CRACR2A: variants seen among roughly 807,000 people sequenced by gnomAD.
CRACR2A encodes calcium release activated channel regulator 2A, also known as EF-hand calcium-binding domain-containing protein 4B.
CRACR2A carries 79 observed loss-of-function variants against 90.5 expected under a neutral mutation model. That is an observed-to-expected ratio of 0.87 (90% CI 0.73 to 1.05). CRACR2A has a LOEUF of 1.05. Among genes scored for constraint, CRACR2A ranks in the 50% least tolerant of loss-of-function variants. The pLI, the probability that CRACR2A is intolerant of heterozygous loss-of-function variation, is 0.00. For synonymous variants in CRACR2A, 338 were observed against 356.7 expected, an observed-to-expected ratio of 0.95 and a Z score of 0.59; for missense variants, 823 against 897.2, an observed-to-expected ratio of 0.92 and a Z score of 1.06.
intron 6 of CRACR2A, among the ~76,000 whole-genome samples, chr12:3,674,447 T>C (rs895246260): frequency 6.6e-6 from 1 of 152,204 alleles, no homozygotes; most frequent in African/African-American, 2.4e-5. Context: ...GTGGACCCTG[T>C]TCTCCCTTTC....
intron 1 of CRACR2A, among the ~76,000 whole-genome samples, chr12:3,739,565 T>C (rs78731934): frequency 0.018 from 2,734 of 152,318 alleles, 79 homozygotes; most frequent in African/African-American, 0.062. Flanking sequence ...AAATATGAAC[T>C]CGTGTTCAGC....
At chr12:3,668,213 G>C (rs1223351954) in intron 7 of CRACR2A, among the ~76,000 whole-genome samples, 1 of 152,150 alleles carries the variant, frequency 6.6e-6, no homozygotes, top group Non-Finnish European at 1.5e-5. Context: ...TCCTCGCCGA[G>C]AACTTCACCC....
intron 7 of CRACR2A, among the ~76,000 whole-genome samples, chr12:3,667,990 C>A (rs1945177781): frequency 6.6e-6 from 1 of 152,222 alleles, no homozygotes; most frequent in Non-Finnish European, 1.5e-5. Context: ...GATTCTGCTG[C>A]CTGTATAAAC....
intron 2 of CRACR2A, chr12:3,726,156 G>A (rs1946259451): frequency 6.6e-6 from 1 of 151,922 alleles, no homozygotes; most frequent in South Asian, 2.1e-4. Flanking sequence ...GGATAAAAAG[G>A]AAATGTGATT....
chr12:3,629,131 C>G (rs766471841), intron 15 of CRACR2A, among the ~76,000 whole-genome samples: 2 of 152,202 alleles, frequency 1.3e-5, no homozygotes, highest in Non-Finnish European at 2.9e-5. Flanking sequence ...GTTATCTGCA[C>G]ACACATGCAC....
chr12:3,656,064 T>C (rs1286607330), intron 9 of CRACR2A, among the ~76,000 whole-genome samples: 1 of 152,198 alleles, frequency 6.6e-6, no homozygotes, highest in Non-Finnish European at 1.5e-5. Flanking sequence ...TATAGGAACA[T>C]GTCTGCAGAT....
At chr12:3,727,660 C>A (rs1946293714) in intron 2 of CRACR2A, 1 of 152,176 alleles carries the variant, frequency 6.6e-6, no homozygotes, top group South Asian at 2.1e-4. Context: ...ACAACCATTT[C>A]CTAAATACCG....
chr12:3,718,907 G>A (rs1269641317), intron 2 of CRACR2A, among the ~76,000 whole-genome samples: 1 of 152,146 alleles, frequency 6.6e-6, no homozygotes, highest in African/African-American at 2.4e-5. Flanking sequence ...ACAAGAAGCT[G>A]GAGGTCCTAC....
intron 1 of CRACR2A, among the ~76,000 whole-genome samples, chr12:3,733,909 ACAC>A (rs1348372107): frequency 1.4e-5 from 2 of 139,930 alleles, no homozygotes; most frequent in Non-Finnish European, 3.1e-5. Context: ...ACACACACAC[ACAC>A]TTTTCTCTCC....
At chr12:3,643,856 T>TATATATAAATATA (rs1478137267) in intron 12 of CRACR2A, among the ~76,000 whole-genome samples, 1 of 67,354 alleles carries the variant, frequency 1.5e-5, no homozygotes, top group Non-Finnish European at 2.5e-5. Context: ...TATTATATAT[T>TATATATAAATATA]TATATTATAT....
intron 7 of CRACR2A, among the ~76,000 whole-genome samples, chr12:3,664,141 GTTAT>G (rs1945086516): frequency 6.6e-6 from 1 of 152,136 alleles, no homozygotes; most frequent in Non-Finnish European, 1.5e-5. Flanking sequence ...GCATCTGAGA[GTTAT>G]TTAAAAGACA....
At chr12:3,663,876 T>C (rs1057176335) in intron 7 of CRACR2A, among the ~76,000 whole-genome samples, 1 of 152,250 alleles carries the variant, frequency 6.6e-6, no homozygotes, top group Non-Finnish European at 1.5e-5. Context: ...GTTTTAAAGA[T>C]AGTACTACTG....
intron 3 of CRACR2A, among the ~76,000 whole-genome samples, chr12:3,697,636 C>A (rs761565538): frequency 2.0e-5 from 3 of 152,228 alleles, no homozygotes; most frequent in Non-Finnish European, 4.4e-5. Context: ...GGAAAGCTCT[C>A]CTCAGGTGGA....
intron 8 of CRACR2A, 87 bp downstream of exon 8, chr12:3,659,477 T>A (rs1944983292): frequency 8.7e-7 from 1 of 1,151,552 alleles, no homozygotes; most frequent in Non-Finnish European, 1.3e-6. Flanking sequence ...AGTGCATGGA[T>A]GGGGGCACCA....
At chr12:3,626,073 C>T (rs764064731) in intron 17 of CRACR2A, among the ~76,000 whole-genome samples, 24 of 152,322 alleles carry the variant, frequency 1.6e-4, no homozygotes, top group Non-Finnish European at 2.2e-4. Flanking sequence ...TTTGTAAGTG[C>T]GTCAGGCACA....
intron 1 of CRACR2A, among the ~76,000 whole-genome samples, chr12:3,739,163 CAAAG>C: frequency 6.6e-6 from 1 of 152,160 alleles, no homozygotes; most frequent in East Asian, 1.9e-4. Flanking sequence ...AAATGAAAAA[CAAAG>C]AAGCTGAAAA....
intron 7 of CRACR2A, among the ~76,000 whole-genome samples, chr12:3,671,740 A>T (rs1945246990): frequency 6.6e-6 from 1 of 152,266 alleles, no homozygotes; most frequent in Non-Finnish European, 1.5e-5. Flanking sequence ...CTCTAAGATT[A>T]ACAAAGATAC....
rs1005855783 is a variant in CRACR2A at position 3,627,805 on chromosome 12, C to T, written c.1736-99G>A. ...TTCCAACATCTGAAATCACATCAGG[C>T]CCAAGGTGACAACCCTCCATGTGCA... On this transcript the variant is annotated intron_variant, in intron 15 of 19. Transcript: ENST00000440314. 4.9e-6 allele frequency: 6 copies of T among 1,234,334 alleles called. No individual in the cohort carries two copies. In the Admixed American group the frequency reaches 9.9e-5, roughly 20 times the overall value. 76.5% of individuals were successfully genotyped at this position (1,234,334 alleles called of 1,614,324 possible). A position where few individuals can be genotyped will look rare whatever the true frequency, so the allele number is the denominator to read the frequency against.
chr12:3,708,911 G>T (rs1945970709), intron 3 of CRACR2A, among the ~76,000 whole-genome samples: 1 of 152,144 alleles, frequency 6.6e-6, no homozygotes, highest in Non-Finnish European at 1.5e-5. Flanking sequence ...TTCTGTGTCT[G>T]CTCCTAGGCC....
Sources: gnomAD v4.1 joint callset for allele counts (sites outside exome capture counted in the v4.1 genomes callset) on GRCh38, gnomAD v4.1.1 for gene constraint, MANE v1.5 for transcripts, NCBI Gene and HGNC (gene_info 2026-07-23, HGNC 2026-07-21) for gene names.